PBK: variants seen among roughly 807,000 people sequenced by gnomAD.
PBK encodes the protein PDZ binding kinase, also known as lymphokine-activated killer T-cell-originated protein kinase.
A neutral mutation model predicts 33.5 loss-of-function variants in PBK; 22 were observed. That is an observed-to-expected ratio of 0.66 (90% CI 0.47 to 0.94). The LOEUF is 0.94. Among genes scored for constraint, PBK ranks in the 40% least tolerant of loss-of-function variants. The pLI is 0.00. For synonymous variants in PBK, 129 were observed against 123.8 expected (o/e 1.04, Z -0.28); for missense variants, 376 against 383.4 (o/e 0.98, Z 0.16).
intron 2 of PBK, among the ~76,000 whole-genome samples, chr8:27,829,651 A>AG (rs1486585303): frequency 6.8e-6 from 1 of 146,670 alleles, no homozygotes; most frequent in Admixed American, 6.8e-5. Context: ...GCAGATCACT[A>AG]GGTCAGGAGT....
At chr8:27,824,069 T>C (rs1054451045) in intron 3 of PBK, among the ~76,000 whole-genome samples, 1 of 152,106 alleles carries the variant, frequency 6.6e-6, no homozygotes, top group Non-Finnish European at 1.5e-5. Flanking sequence ...CAGAACCTTT[T>C]TTGTTTAATC....
intron 1 of PBK, among the ~76,000 whole-genome samples, chr8:27,836,893 C>G (rs528466607): frequency 6.6e-6 from 1 of 152,300 alleles, no homozygotes; most frequent in East Asian, 1.9e-4. Flanking sequence ...GTCTGAGGGC[C>G]ACTTTTTTCC....
At chr8:27,827,286 A>C (rs7827602) in intron 3 of PBK, among the ~76,000 whole-genome samples, 1 of 152,114 alleles carries the variant, frequency 6.6e-6, no homozygotes, top group Non-Finnish European at 1.5e-5. Context: ...GGTGGCTTAC[A>C]CCTGTAATCC....
chr8:27,818,010 A>G (rs1276765484), intron 6 of PBK, among the ~76,000 whole-genome samples: 1 of 152,222 alleles, frequency 6.6e-6, no homozygotes, highest in Admixed American at 6.5e-5. Context: ...AAATAGCAAC[A>G]TGCAGCTCAT....
chr8:27,821,216 T>C (rs897927609), intron 5 of PBK, among the ~76,000 whole-genome samples: 22 of 152,164 alleles, frequency 1.4e-4, no homozygotes, highest in African/African-American at 4.6e-4. Context: ...TATTTAGAAA[T>C]AGATACTTCT....
rs115449304 is a variant in PBK, at chr8:27,818,173, C to T, written c.595+2392G>A. 2.3e-3 allele frequency among the ~76,000 whole-genome samples: 344 copies of T among 152,220 alleles called. 3 individuals carry two copies. The highest frequency in any genetic ancestry group is 8.0e-3 in the African/African-American group (334 of 41,546). On this transcript the variant is annotated intron_variant, in intron 6 of 7. Coordinates refer to ENST00000301905, the MANE Select transcript of PBK (RefSeq NM_018492.4). ...ATGGCCATGCAGCTTGAGTAATAAG[C>T]CTTGGTTGTTGTAAGTCACTGAAGT... is the stretch of plus-strand genomic sequence containing the variant.
Position 27,820,622 on chromosome 8 carries a change from C to T in PBK, c.538G>A (p.Glu180Lys), listed in dbSNP as rs768990251. The change falls in exon 6 of 8, where the codon GAA (glutamate) becomes AAA (lysine). Residue 180 changes from glutamate to lysine, a missense_variant. By Grantham distance (56) the Glu-to-Lys change is moderately conservative. Coordinates refer to ENST00000301905, the MANE Select transcript of PBK (RefSeq NM_018492.4). ...CCTACATCACAGATTTTAATTGTTTCAAAATCGCCTTTAATTACAACATTT... is the reference window on the plus strand; with the variant it reads ...CCTACATCACAGATTTTAATTGTTTTAAAATCGCCTTTAATTACAACATTT... Reference protein sequence around the residue: ...SSNVVIKGDFETIKICDVGVS... With the variant: ...SSNVVIKGDFKTIKICDVGVS... 1.9e-6 allele frequency: 3 copies of T among 1,562,604 alleles called. No individual in the cohort carries two copies.
intron 6 of PBK, among the ~76,000 whole-genome samples, chr8:27,815,435 T>G (rs926387785): frequency 1.3e-5 from 2 of 152,190 alleles, no homozygotes; most frequent in South Asian, 4.1e-4. Context: ...CATTACAGTT[T>G]AGAAGGTAGC....
intron 6 of PBK, chr8:27,811,357 A>T: frequency 1.7e-6 from 1 of 595,090 alleles, no homozygotes; most frequent in Non-Finnish European, 3.0e-6. Context: ...GAGAAACAGC[A>T]ATTCTCTTAC....
intron 3 of PBK, among the ~76,000 whole-genome samples, chr8:27,827,373 C>G (rs965262241): frequency 1.3e-5 from 2 of 152,108 alleles, no homozygotes; most frequent in African/African-American, 4.8e-5. Context: ...ATGGCAAAAC[C>G]CTGTCTCTAC....
chr8:27,816,877 G>C (rs951850692), intron 6 of PBK, among the ~76,000 whole-genome samples: 1 of 151,834 alleles, frequency 6.6e-6, no homozygotes, highest in Non-Finnish European at 1.5e-5. Context: ...ATTCTATTGT[G>C]TGGTAGTATA....
chr8:27,824,922 C>CA (rs999225573), intron 3 of PBK, among the ~76,000 whole-genome samples: 6 of 151,690 alleles, frequency 4.0e-5, no homozygotes, highest in South Asian at 2.1e-4. Flanking sequence ...CTTGATTTAA[C>CA]AAAAAAAATA....
chr8:27,833,198 A>G, intron 1 of PBK, 65 bp from the exon 2 acceptor site: 1 of 861,430 alleles, frequency 1.2e-6, no homozygotes. Context: ...ATTCATGAAG[A>G]AAAATGCCAA....
intron 3 of PBK, among the ~76,000 whole-genome samples, chr8:27,823,516 G>A (rs1805970284): frequency 6.6e-6 from 1 of 151,976 alleles, no homozygotes; most frequent in African/African-American, 2.4e-5. Context: ...ATTTGAGCAT[G>A]TTGGACTACA....
intron 2 of PBK, among the ~76,000 whole-genome samples, chr8:27,832,420 A>G (rs1806147704): frequency 6.6e-6 from 1 of 152,218 alleles, no homozygotes; most frequent in Admixed American, 6.5e-5. Flanking sequence ...AAAAAGTAAA[A>G]GAAACAAAGC....
At chr8:27,830,191 A>G (rs1806101628) in intron 2 of PBK, among the ~76,000 whole-genome samples, 1 of 143,572 alleles carries the variant, frequency 7.0e-6, no homozygotes, top group Non-Finnish European at 1.5e-5. Flanking sequence ...TGACAGAGCA[A>G]GATTCTGTCT....
At chr8:27,820,742 TAAAA>T in intron 5 of PBK, 48 bp from the exon 6 acceptor site, 1 of 1,059,220 alleles carries the variant, frequency 9.4e-7, no homozygotes, top group Non-Finnish European at 1.4e-6. Context: ...CACAAACTAA[TAAAA>T]AAATGTGATA....
At chr8:27,818,740 C>CT (rs1030917195) in intron 6 of PBK, among the ~76,000 whole-genome samples, 30 of 151,224 alleles carry the variant, frequency 2.0e-4, no homozygotes, top group African/African-American at 6.1e-4. Flanking sequence ...ATATAGAATT[C>CT]TTTTTTTTTA....
At chr8:27,830,753 TGGC>T (rs201268502) in intron 2 of PBK, among the ~76,000 whole-genome samples, 23,856 of 152,092 alleles carry the variant, frequency 0.16, 2,348 homozygotes, top group East Asian at 0.36. Flanking sequence ...ATGTAGCTAA[TGGC>T]AAAACAGTCC....
Sources: gnomAD v4.1 joint callset for allele counts (sites outside exome capture counted in the v4.1 genomes callset) on GRCh38, gnomAD v4.1.1 for gene constraint, MANE v1.5 for transcripts, NCBI Gene and HGNC (gene_info 2026-07-23, HGNC 2026-07-21) for gene names.